ALLC: variants seen among roughly 807,000 people sequenced by gnomAD.
The protein encoded by ALLC is allantoicase, also known as probable inactive allantoicase.
In ALLC, 40 loss-of-function variants were observed where a neutral mutation model predicts 45.0. The ratio of observed to expected loss-of-function variants is 0.89; its 90% CI spans 0.69 to 1.16. ALLC has a LOEUF of 1.16. ALLC is among the 50% of genes most tolerant of loss of function. The pLI, the probability that ALLC is intolerant of heterozygous loss-of-function variation, is 0.00. For missense variants in ALLC, 488 were observed against 493.1 expected (o/e 0.99, Z 0.10); for synonymous variants, 176 against 178.1 (o/e 0.99, Z 0.09).
At chr2:3,666,262 G>A (rs1171416212) in intron 1 of ALLC, among the ~76,000 whole-genome samples, 2 of 152,264 alleles carry the variant, frequency 1.3e-5, no homozygotes, top group Non-Finnish European at 2.9e-5. Context: ...GGCATAGTGA[G>A]CTTGCTGGAG....
intron 7 of ALLC, among the ~76,000 whole-genome samples, chr2:3,685,827 A>T (rs575833712): frequency 1.3e-5 from 2 of 150,528 alleles, no homozygotes; most frequent in South Asian, 2.1e-4. Flanking sequence ...TTTATAAATT[A>T]TTTTTTTTGC....
At chr2:3,660,084 G>A (rs1666533440) in intron 1 of ALLC, among the ~76,000 whole-genome samples, 1 of 152,246 alleles carries the variant, frequency 6.6e-6, no homozygotes, top group African/African-American at 2.4e-5. Flanking sequence ...TGGAGGTGGG[G>A]CCCAGCGGGA....
chr2:3,682,988 A>G lies in ALLC; in HGVS notation c.425A>G (p.Lys142Arg), dbSNP rs761310489. The G allele has an allele frequency of 6.2e-7, 1 of 1,613,860 alleles. No homozygotes were observed. Among genetic ancestry groups the G allele is most frequent in the African/African-American group, 1.3e-5 (1 of 74,938 alleles). Reference sequence around the variant, plus strand: ...TACTTGGTTCCCATGACTGAGCTTAAGCCAGGAAACCCTGCTTCCGGCCAC... The same window carrying G: ...TACTTGGTTCCCATGACTGAGCTTAGGCCAGGAAACCCTGCTTCCGGCCAC... ...WSYLVPMTEL[K>R]PGNPASGHNY... The change falls in exon 7 of 12, where the codon AAG becomes AGG. Residue 142 changes from lysine to arginine, a missense_variant. Transcript: ENST00000252505.
chr2:3,665,092 G>C (rs1666670978), intron 1 of ALLC, among the ~76,000 whole-genome samples: 2 of 152,126 alleles, frequency 1.3e-5, no homozygotes, highest in African/African-American at 4.8e-5. Flanking sequence ...CAGGTTTGAT[G>C]AGTCAGCCTG....
chr2:3,665,944 T>C (rs1258487437), intron 1 of ALLC, among the ~76,000 whole-genome samples: 1 of 152,208 alleles, frequency 6.6e-6, no homozygotes, highest in Admixed American at 6.5e-5. Context: ...AGAAAGGGTA[T>C]AAATGCTTTT....
intron 8 of ALLC, 34 bp from the exon 9 acceptor site, chr2:3,696,241 G>T: frequency 1.9e-6 from 3 of 1,562,744 alleles, no homozygotes; most frequent in Non-Finnish European, 8.8e-7. Flanking sequence ...TTAAAATCAT[G>T]CAGTTTACCA....
At chr2:3,650,504 C>A in the ALLC span, among the ~76,000 whole-genome samples, 3 of 152,210 alleles carry the variant, frequency 2.0e-5, no homozygotes, top group African/African-American at 7.2e-5. Context: ...CCTGGGCAAG[C>A]GGGCAGCTGC....
chr2:3,692,366 C>A (rs1199023709), intron 7 of ALLC, among the ~76,000 whole-genome samples: 1 of 152,074 alleles, frequency 6.6e-6, no homozygotes, highest in African/African-American at 2.4e-5. Flanking sequence ...AGCTGATGAG[C>A]CAAAAAAATT....
rs1667185569 is a variant in ALLC at position 3,681,721 on chromosome 2, T to A, written c.378+8T>A. ...TTTGAAGCCATTGCTGAGGTACATCTCCCCCAAATGAATTGGGTCTTGTCA... is the reference window on the plus strand; with the variant it reads ...TTTGAAGCCATTGCTGAGGTACATCACCCCCAAATGAATTGGGTCTTGTCA... On this transcript the variant is annotated splice_region_variant and intron_variant, in intron 6 of 11. Coordinates refer to ENST00000252505, the MANE Select transcript of ALLC (RefSeq NM_018436.4). The A allele has an allele frequency of 5.0e-6, 8 of 1,601,960 alleles. No individual in the cohort carries two copies. The highest frequency in any genetic ancestry group is 6.8e-6 in the Non-Finnish European group (8 of 1,172,948).
chr2:3,693,961 C>T (rs1667590576), intron 7 of ALLC, among the ~76,000 whole-genome samples: 2 of 151,958 alleles, frequency 1.3e-5, no homozygotes, highest in African/African-American at 4.8e-5. Flanking sequence ...GCATTCCAGC[C>T]TGGGCAACCA....
chr2:3,647,204 GACAC>G, the ALLC span, among the ~76,000 whole-genome samples: 1 of 152,236 alleles, frequency 6.6e-6, no homozygotes, highest in South Asian at 2.1e-4. Flanking sequence ...TGTTCAACGC[GACAC>G]ACACATACGT....
the ALLC span, among the ~76,000 whole-genome samples, chr2:3,651,413 GT>G: frequency 1.3e-4 from 7 of 52,712 alleles, no homozygotes; most frequent in Non-Finnish European, 1.8e-4. Context: ...GTGTGTGTGT[GT>G]GTGTGTGTGT....
At chr2:3,667,662 A>G (rs1192953144) in intron 1 of ALLC, among the ~76,000 whole-genome samples, 1 of 152,258 alleles carries the variant, frequency 6.6e-6, no homozygotes, top group Admixed American at 6.5e-5. Context: ...ATTCCTGTGA[A>G]CTCACAGTAA....
chr2:3,663,348 G>C (rs28548099), intron 1 of ALLC, among the ~76,000 whole-genome samples: 1 of 151,950 alleles, frequency 6.6e-6, no homozygotes, highest in African/African-American at 2.4e-5. Flanking sequence ...GCATGTTCTC[G>C]CTTATAAGTG....
At chr2:3,666,840 A>G (rs1210273143) in intron 1 of ALLC, among the ~76,000 whole-genome samples, 4 of 152,212 alleles carry the variant, frequency 2.6e-5, no homozygotes, top group Non-Finnish European at 5.9e-5. Context: ...CTCTTCCAGC[A>G]CAGTCCAGTC....
chr2:3,651,658 G>A, the ALLC span, among the ~76,000 whole-genome samples: 1 of 151,908 alleles, frequency 6.6e-6, no homozygotes. Flanking sequence ...CACTTTGGCC[G>A]TTGATGGCAA....
chr2:3,679,949 G>T lies in ALLC; in HGVS notation c.253G>T (p.Asp85Tyr). The T allele has an allele frequency of 1.9e-6, 3 of 1,613,990 alleles. No homozygotes were observed. Among genetic ancestry groups the T allele is most frequent in the Non-Finnish European group, 1.7e-6 (2 of 1,179,896 alleles). The part of the protein sequence containing the change: ...FDVDVSYFTG[D>Y]YAPRVSIQAA... The stretch of plus-strand genomic sequence containing the variant: ...CGTGGACGTTTCTTACTTCACGGGA[G>T]ATTACGCTCCTCGAGTGTCCATTCA... Residue 85 changes from aspartate to tyrosine, a missense_variant, in exon 5 of 12, where the codon GAT becomes TAT. Asp to Tyr is a radical substitution (Grantham distance 160). Transcript: ENST00000252505.
At chr2:3,661,340 T>C (rs1187602745) in intron 1 of ALLC, among the ~76,000 whole-genome samples, 1 of 152,168 alleles carries the variant, frequency 6.6e-6, no homozygotes, top group East Asian at 1.9e-4. Flanking sequence ...CACGCAAGCA[T>C]TTAGCTGCTG....
chr2:3,695,024 A>G (rs913164441), intron 7 of ALLC: 1 of 152,234 alleles, frequency 6.6e-6, no homozygotes, highest in Non-Finnish European at 1.5e-5. Flanking sequence ...TTGTATTCTG[A>G]ATCACATTGC....
Sources: allele counts gnomAD v4.1 joint callset (sites outside exome capture counted in the v4.1 genomes callset), GRCh38; gene constraint gnomAD v4.1.1; transcripts MANE v1.5; gene names NCBI Gene and HGNC (gene_info 2026-07-23, HGNC 2026-07-21).